The following DAW1 variants were observed in gnomAD, a reference collection of about 807,000 sequenced individuals.
The protein encoded by DAW1 is dynein assembly factor with WD repeat domains 1.
In DAW1, 47 loss-of-function variants were observed where a neutral mutation model predicts 56.5. The ratio of observed to expected loss-of-function variants is 0.83; its 90% CI spans 0.66 to 1.06. DAW1 has a LOEUF of 1.06. Ranked by LOEUF, DAW1 falls within the 50% of genes least tolerant of loss-of-function variation. The probability of loss-of-function intolerance (pLI) is 0.00; values close to 1 mark genes in which losing one functional copy is unlikely to be tolerated. For synonymous variants in DAW1, 190 were observed against 179.0 expected (o/e 1.06, Z -0.49); for missense variants, 505 against 499.3 (o/e 1.01, Z -0.11).
At chr2:227,875,693 T>C (rs1224401917) in intron 1 of DAW1, among the ~76,000 whole-genome samples, 1 of 152,204 alleles carries the variant, frequency 6.6e-6, no homozygotes. Flanking sequence ...TCCCATGATA[T>C]TTCACAGCCC....
chr2:227,912,532 A>G (rs1344452635), intron 10 of DAW1: 1 of 1,266,476 alleles, frequency 7.9e-7, no homozygotes, highest in African/African-American at 1.5e-5. Context: ...ACTGTCTAGT[A>G]TGTCTGTTTC....
At chr2:227,910,116 ACT>A (rs1691779706) in intron 10 of DAW1, among the ~76,000 whole-genome samples, 1 of 152,142 alleles carries the variant, frequency 6.6e-6, no homozygotes, top group East Asian at 1.9e-4. Flanking sequence ...ATGATATTGT[ACT>A]ATGACAATTT....
chr2:227,882,256 T>C (rs1314114547), intron 1 of DAW1, among the ~76,000 whole-genome samples: 4 of 152,244 alleles, frequency 2.6e-5, no homozygotes, highest in Non-Finnish European at 5.9e-5. Flanking sequence ...GTCAAACTTA[T>C]TTTTCATAAT....
At chr2:227,876,627 C>T in intron 1 of DAW1, 1 of 583,070 alleles carries the variant, frequency 1.7e-6, no homozygotes, top group East Asian at 7.3e-5. Flanking sequence ...CGCCCTCCCA[C>T]TTTCTTTTGA....
chr2:227,879,503 CTG>C (rs1209836173), intron 1 of DAW1, among the ~76,000 whole-genome samples: 4 of 151,962 alleles, frequency 2.6e-5, no homozygotes, highest in African/African-American at 7.2e-5. Flanking sequence ...TTGCCTTTAA[CTG>C]TGTGGTATCT....
chr2:227,877,855 C>T (rs1387076299), intron 1 of DAW1, among the ~76,000 whole-genome samples: 1 of 152,254 alleles, frequency 6.6e-6, no homozygotes, highest in Non-Finnish European at 1.5e-5. Flanking sequence ...CGGCCACAGA[C>T]TGGTACTGGT....
intron 4 of DAW1, 31 bp downstream of exon 4, chr2:227,891,344 G>T (rs750788804): frequency 3.4e-5 from 53 of 1,570,956 alleles, no homozygotes; most frequent in Non-Finnish European, 3.9e-5. Flanking sequence ...CTAATTTTTA[G>T]CAGTGAAACA....
chr2:227,898,866 T>C (rs1691473046), intron 6 of DAW1, among the ~76,000 whole-genome samples: 1 of 152,204 alleles, frequency 6.6e-6, no homozygotes, highest in South Asian at 2.1e-4. Context: ...CCAATCTTAC[T>C]TTTTAATTGG....
chr2:227,906,778 T>C (rs1040917987), intron 9 of DAW1, among the ~76,000 whole-genome samples: 2 of 152,226 alleles, frequency 1.3e-5, no homozygotes, highest in African/African-American at 4.8e-5. Flanking sequence ...TTTTCTGACA[T>C]TGTAGTTTTA....
At chr2:227,872,519 T>A (rs965039699) in intron 1 of DAW1, 5 of 152,168 alleles carry the variant, frequency 3.3e-5, no homozygotes, top group Non-Finnish European at 7.3e-5. Context: ...ACATCGCCGA[T>A]GAGGTATCGC....
intron 11 of DAW1, among the ~76,000 whole-genome samples, chr2:227,920,363 C>A (rs975236835): frequency 6.6e-6 from 1 of 152,122 alleles, no homozygotes; most frequent in Non-Finnish European, 1.5e-5. Flanking sequence ...AAAACAGATA[C>A]GGCCCTGCCC....
chr2:227,880,668 C>T (rs1234170048), intron 1 of DAW1, among the ~76,000 whole-genome samples: 1 of 152,144 alleles, frequency 6.6e-6, no homozygotes, highest in African/African-American at 2.4e-5. Context: ...GCAACAGCTG[C>T]TTAGATTACC....
chr2:227,913,569 C>T (rs1691879015), intron 10 of DAW1, among the ~76,000 whole-genome samples: 1 of 152,132 alleles, frequency 6.6e-6, no homozygotes, highest in African/African-American at 2.4e-5. Context: ...CATGTCGTCT[C>T]CTTGATATTC....
intron 10 of DAW1, among the ~76,000 whole-genome samples, chr2:227,918,171 TCATCCATCCATC>T (rs60074089): frequency 1.5e-3 from 192 of 124,024 alleles, no homozygotes; most frequent in South Asian, 2.6e-3. Flanking sequence ...CATCCATCCA[TCATCCATCCATC>T]CATCCATCCA....
At chr2:227,880,010 C>T (rs1187504282) in intron 1 of DAW1, among the ~76,000 whole-genome samples, 1 of 152,158 alleles carries the variant, frequency 6.6e-6, no homozygotes, top group African/African-American at 2.4e-5. Context: ...ATTATAATTA[C>T]ATTAACTTCG....
At chr2:227,876,023 T>C (rs2106183978) in intron 1 of DAW1, among the ~76,000 whole-genome samples, 1 of 76,288 alleles carries the variant, frequency 1.3e-5, no homozygotes, top group Non-Finnish European at 2.4e-5. Context: ...ATTCTCTCTT[T>C]TTTTTTTTTT....
intron 2 of DAW1, among the ~76,000 whole-genome samples, chr2:227,887,906 TC>T (rs1691169482): frequency 1.3e-5 from 2 of 152,206 alleles, no homozygotes; most frequent in Admixed American, 1.3e-4. Context: ...TGCATGAAAA[TC>T]CTACAGGGTT....
rs189712954 is a variant in DAW1, at chr2:227,902,777, C to T, written c.541-225C>T. 5.3e-4 allele frequency among the ~76,000 whole-genome samples: 80 copies of T among 152,238 alleles called. No individual in the cohort carries two copies. The East Asian group carries it at 0.012, about 23-fold the overall frequency. ...CTGGAAGTGGCAAAGGGAGCTAGTG[C>T]CCCTCCAAGCCTTAGCTGGGTGCTG... On this transcript the variant is annotated intron_variant, in intron 6 of 12. Transcript: ENST00000309931.
chr2:227,881,816 A>T (rs12475401), intron 1 of DAW1, among the ~76,000 whole-genome samples: 1 of 141,260 alleles, frequency 7.1e-6, no homozygotes, highest in Non-Finnish European at 1.5e-5. Context: ...GCAGTGGTGC[A>T]ATCTTGTCTC....
Sources: allele counts gnomAD v4.1 joint callset (sites outside exome capture counted in the v4.1 genomes callset), GRCh38; gene constraint gnomAD v4.1.1; transcripts MANE v1.5; gene names NCBI Gene and HGNC (gene_info 2026-07-23, HGNC 2026-07-21).